Variants in IGSF11 observed in about 807,000 individuals in gnomAD.
IGSF11 encodes immunoglobulin superfamily member 11.
IGSF11 carries 22 observed loss-of-function variants against 41.0 expected under a neutral mutation model. The ratio of observed to expected loss-of-function variants is 0.54; its 90% CI spans 0.38 to 0.77. IGSF11 has a LOEUF of 0.77. Among genes scored for constraint, IGSF11 ranks in the 30% least tolerant of loss-of-function variants. IGSF11 has a pLI of 0.00. For missense variants in IGSF11, 444 were observed against 530.8 expected (o/e 0.84, Z 1.61); for synonymous variants, 219 against 201.3 (o/e 1.09, Z -0.74).
intron 1 of IGSF11, among the ~76,000 whole-genome samples, chr3:119,064,949 T>C (rs541490007): frequency 1.3e-5 from 2 of 152,226 alleles, no homozygotes; most frequent in African/African-American, 2.4e-5. Flanking sequence ...TGTACAATCA[T>C]GTCATGTAAA....
intron 1 of IGSF11, among the ~76,000 whole-genome samples, chr3:119,003,033 G>C (rs1937069252): frequency 2.7e-5 from 1 of 36,770 alleles, no homozygotes; most frequent in Non-Finnish European, 4.6e-5. Flanking sequence ...GCTTGATGGG[G>C]ATGGCATTGA....
chr3:119,042,357 G>T (rs547036489), intron 1 of IGSF11, among the ~76,000 whole-genome samples: 3 of 152,238 alleles, frequency 2.0e-5, no homozygotes, highest in African/African-American at 7.2e-5. Context: ...TCTCAGCAGG[G>T]AGGGTTGTAG....
chr3:118,902,447 T>TGCCCCCCCCCCC lies in IGSF11; in HGVS notation c.*72_*73insGGGGGGGGGGGC. 1.8e-6 allele frequency: 1 copy of TGCCCCCCCCCCC among 563,916 alleles called. No homozygotes were observed. The highest frequency in any genetic ancestry group is 3.4e-6 in the Non-Finnish European group (1 of 298,020). The allele number at this position is 563,916 out of a possible 1,614,324, so 34.9% of individuals were successfully genotyped here. ...TAAGGAAGTGTTTCTTTCCCAGCAC[T>TGCCCCCCCCCCC]CCCCACCCCACCCTCCCCCTTGTAT... is the stretch of plus-strand genomic sequence containing the variant. On this transcript the variant is annotated 3_prime_UTR_variant, in exon 7 of 7. Transcript: ENST00000393775.
intron 1 of IGSF11, among the ~76,000 whole-genome samples, chr3:118,944,353 G>T (rs1943948512): frequency 6.6e-6 from 1 of 151,914 alleles, no homozygotes. Context: ...TGTTCTTCCA[G>T]CCAGTCTTAC....
chr3:119,107,084 G>A (rs536821746), upstream of IGSF11, among the ~76,000 whole-genome samples: 1 of 152,258 alleles, frequency 6.6e-6, no homozygotes, highest in South Asian at 2.1e-4. Flanking sequence ...ATGATTTATA[G>A]TCCTTTGGGT....
intron 1 of IGSF11, among the ~76,000 whole-genome samples, chr3:119,094,919 G>C (rs12631542): frequency 0.073 from 11,067 of 151,828 alleles, 800 homozygotes; most frequent in African/African-American, 0.18. Context: ...TGATCCAGCC[G>C]CCTCGGCCTC....
At chr3:119,130,506 G>A (rs1384709958) in intron 1 of IGSF11, among the ~76,000 whole-genome samples, 1 of 152,208 alleles carries the variant, frequency 6.6e-6, no homozygotes, top group Non-Finnish European at 1.5e-5. Context: ...GGCGGGGGGA[G>A]GGGCATCCAC....
chr3:118,988,744 A>G (rs1280789318), intron 1 of IGSF11, among the ~76,000 whole-genome samples: 2 of 152,164 alleles, frequency 1.3e-5, no homozygotes, highest in African/African-American at 4.8e-5. Flanking sequence ...TTAAAAAAAA[A>G]CTTGCTTCAA....
intron 1 of IGSF11, among the ~76,000 whole-genome samples, chr3:118,939,032 C>T (rs1943483505): frequency 2.0e-5 from 3 of 152,028 alleles, no homozygotes; most frequent in Admixed American, 2.0e-4. Flanking sequence ...ATAGAACAGA[C>T]AAAAACAGTA....
In IGSF11 at chr3:118,902,470, T is replaced by C; in HGVS notation, c.*50A>G. ...ACTCCCCACCCCACCCTCCCCCTTG[T>C]ATGAGGGCATTCCATTTATTCATTT... On this transcript the variant is annotated 3_prime_UTR_variant, in exon 7 of 7. Coordinates refer to ENST00000393775, the MANE Select transcript of IGSF11 (RefSeq NM_001015887.3). 1 of 517,228 alleles carries C rather than the reference T, an allele frequency of 1.9e-6. No individual in the cohort carries two copies. Among genetic ancestry groups the C allele is most frequent in the South Asian group, 1.6e-5 (1 of 61,904 alleles). The allele number at this position is 517,228 out of a possible 1,614,324, so 32.0% of individuals were successfully genotyped here. A position where few individuals can be genotyped will look rare whatever the true frequency, so the allele number is the denominator to read the frequency against.
chr3:118,963,885 G>T (rs1945500977), intron 1 of IGSF11, among the ~76,000 whole-genome samples: 4 of 152,018 alleles, frequency 2.6e-5, no homozygotes, highest in African/African-American at 9.7e-5. Context: ...CTTATGATGG[G>T]CCCCTCTGCC....
chr3:118,904,862 C>T, intron 5 of IGSF11, 64 bp from the exon 6 acceptor site: 1 of 1,337,352 alleles, frequency 7.5e-7, no homozygotes, highest in Non-Finnish European at 1.0e-6. Flanking sequence ...TATACCCATG[C>T]AACTGTAATA....
chr3:118,963,698 T>A (rs1945487411), intron 1 of IGSF11, among the ~76,000 whole-genome samples: 1 of 152,214 alleles, frequency 6.6e-6, no homozygotes, highest in African/African-American at 2.4e-5. Context: ...AAATACTTAG[T>A]TATTGTCTTT....
At chr3:119,037,516 C>T (rs1940961860), upstream of IGSF11, among the ~76,000 whole-genome samples, 1 of 152,118 alleles carries the variant, frequency 6.6e-6, no homozygotes, top group Admixed American at 6.5e-5. Flanking sequence ...ACCCTCATCT[C>T]TGAGAGAGTT....
chr3:118,949,344 A>G (rs1944408780), intron 1 of IGSF11: 1 of 141,194 alleles, frequency 7.1e-6, no homozygotes, highest in African/African-American at 2.7e-5. Flanking sequence ...AAAAAAAAAA[A>G]GTTATACTCT....
chr3:119,128,008 C>T (rs1267045213), intron 1 of IGSF11, among the ~76,000 whole-genome samples: 2 of 152,138 alleles, frequency 1.3e-5, no homozygotes, highest in Non-Finnish European at 2.9e-5. Context: ...GTGTGCAAAA[C>T]AACCAAAGAG....
chr3:119,134,779 G>A (rs972485294), intron 1 of IGSF11, among the ~76,000 whole-genome samples: 2 of 152,086 alleles, frequency 1.3e-5, no homozygotes, highest in East Asian at 3.8e-4. Context: ...AACAAAGCTG[G>A]AGGCATCACG....
chr3:119,001,076 G>A (rs1936778964), intron 1 of IGSF11, among the ~76,000 whole-genome samples: 3 of 151,956 alleles, frequency 2.0e-5, no homozygotes, highest in African/African-American at 7.2e-5. Flanking sequence ...CCTTTGTACT[G>A]GCTGTCTCTC....
rs1289708630 is a variant in IGSF11, at chr3:118,967,917, G to T, written c.53-37642C>A. ...TGTTCTTCTTTATTCTCACAATAAG[G>T]ACACATTTGCCAATAACTTTAATGT... On this transcript the variant is annotated intron_variant, in intron 1 of 6. Coordinates refer to ENST00000393775, the MANE Select transcript of IGSF11 (RefSeq NM_001015887.3). Among the ~76,000 whole-genome samples the T allele has an allele frequency of 2.7e-5, 4 of 150,864 alleles. No individual in the cohort carries two copies. The East Asian group carries it at 7.7e-4, about 29-fold the overall frequency.
Sources: gnomAD v4.1 joint callset for allele counts (sites outside exome capture counted in the v4.1 genomes callset) on GRCh38, gnomAD v4.1.1 for gene constraint, MANE v1.5 for transcripts, NCBI Gene and HGNC (gene_info 2026-07-23, HGNC 2026-07-21) for gene names.